Variants in DDX24 observed in about 807,000 individuals in gnomAD.
DDX24 encodes the protein DEAD-box helicase 24.
In DDX24, 24 loss-of-function variants were observed where a neutral mutation model predicts 68.9. That is an observed-to-expected ratio of 0.35 (90% CI 0.25 to 0.49). DDX24 has a LOEUF of 0.49. Among genes scored for constraint, DDX24 ranks in the 20% least tolerant of loss-of-function variants. The probability of loss-of-function intolerance (pLI) is 0.99; values close to 1 mark genes in which losing one functional copy is unlikely to be tolerated. For missense variants in DDX24, 989 were observed against 1,039.0 expected (o/e 0.95, Z 0.66); for synonymous variants, 395 against 385.2 (o/e 1.03, Z -0.30).
At chr14:94,076,245 A>G (rs578090316) in intron 2 of DDX24, among the ~76,000 whole-genome samples, 3 of 152,232 alleles carry the variant, frequency 2.0e-5, no homozygotes, top group African/African-American at 7.2e-5. Flanking sequence ...CTACCCACAC[A>G]TTGGAATACT....
At chr14:94,068,766 G>T (rs1486608521) in intron 2 of DDX24, among the ~76,000 whole-genome samples, 3 of 152,060 alleles carry the variant, frequency 2.0e-5, no homozygotes, top group Non-Finnish European at 2.9e-5. Flanking sequence ...AATGAGCATT[G>T]GGTCAAAAAC....
At chr14:94,078,397 A>G (rs938563398) in intron 2 of DDX24, among the ~76,000 whole-genome samples, 3 of 152,208 alleles carry the variant, frequency 2.0e-5, no homozygotes, top group African/African-American at 7.2e-5. Flanking sequence ...TATCCAGCAA[A>G]GTCAACCTGT....
intron 3 of DDX24, 110 bp downstream of exon 3, chr14:94,061,987 T>C (rs1050614019): frequency 1.6e-6 from 2 of 1,212,980 alleles, no homozygotes; most frequent in Non-Finnish European, 2.2e-6. Flanking sequence ...GTCTGGCTTA[T>C]AGATGAGAGT....
intron 2 of DDX24, among the ~76,000 whole-genome samples, chr14:94,071,772 C>A (rs1435094845): frequency 2.0e-5 from 3 of 152,096 alleles, no homozygotes; most frequent in African/African-American, 2.4e-5. Flanking sequence ...ATGGAGAAAC[C>A]ACGTCTCTAC....
At chr14:94,057,778 C>T (rs1885517225) in intron 6 of DDX24, 44 bp downstream of exon 6, 3 of 1,582,010 alleles carry the variant, frequency 1.9e-6, no homozygotes, top group Non-Finnish European at 2.6e-6. Context: ...AAAAATTCCC[C>T]ATTCAGTGCA....
Position 94,079,750 on chromosome 14 carries a change from G to A in DDX24, c.-5-3C>T, listed in dbSNP as rs1457313007. The A allele has an allele frequency of 2.5e-6, 4 of 1,611,466 alleles. No individual in the cohort carries two copies. Among genetic ancestry groups the A allele is most frequent in the African/African-American group, 1.3e-5 (1 of 74,998 alleles). On this transcript the variant is annotated splice_polypyrimidine_tract_variant and splice_region_variant and intron_variant, in intron 1 of 8. Coordinates refer to ENST00000621632, the MANE Select transcript of DDX24 (RefSeq NM_020414.4). Reference sequence around the variant, plus strand: ...TGTGTCCTTCAACTTCATGGTTGCTGAAAAGGAGATACATGTTCTATTAGG... The same window carrying A: ...TGTGTCCTTCAACTTCATGGTTGCTAAAAAGGAGATACATGTTCTATTAGG...
At position 94,048,714 on chromosome 14, in the gene DDX24, C is replaced by T. The variant is rs1174979184; in HGVS notation, c.*2477G>A. 1 of 152,158 alleles carries T rather than the reference C, an allele frequency of 6.6e-6. No individual in the cohort carries two copies. The highest frequency in any genetic ancestry group is 1.9e-4 in the East Asian group (1 of 5,180). The allele number at this position is 152,158 out of a possible 1,614,324, so 9.4% of individuals were successfully genotyped here. A position where few individuals can be genotyped will look rare whatever the true frequency, so the allele number is the denominator to read the frequency against. ...GGGAAGCATGTCACCTTGGCAGTGA[C>T]TCGGTGGCTTCCCAAGCAGGAGTGT... On this transcript the variant is annotated 3_prime_UTR_variant, in exon 9 of 9. Transcript: ENST00000621632.
Position 94,060,404 on chromosome 14 carries a change from T to A in DDX24, c.1607A>T (p.Asp536Val). The A allele has an allele frequency of 6.2e-7, 1 of 1,614,080 alleles. No homozygotes were observed. Among genetic ancestry groups the A allele is most frequent in the South Asian group, 1.1e-5 (1 of 91,068 alleles). Reference protein sequence around the residue: ...TKKMDKTAKLDLLMQKIGMRG... With the variant: ...TKKMDKTAKLVLLMQKIGMRG... Reference sequence around the variant, plus strand: ...CATGCCAATTTTCTGCATAAGGAGGTCAAGTTTGGCTGTTTTATCCATTTT... The same window carrying A: ...CATGCCAATTTTCTGCATAAGGAGGACAAGTTTGGCTGTTTTATCCATTTT... Residue 536 changes from aspartate to valine, a missense_variant, in exon 5 of 9, where the codon GAC becomes GTC. Coordinates refer to ENST00000621632, the MANE Select transcript of DDX24 (RefSeq NM_020414.4).
At position 94,068,916 on chromosome 14, in the gene DDX24, GAGCACAAAC is replaced by G. The variant is rs569688822; in HGVS notation, c.719-6304_719-6296del. The stretch of plus-strand genomic sequence containing the variant: ...AATGGCTACATCGAAAAGTCTGAAA[GAGCACAAAC>G]AGACAATCTAAGGTCACATCTCAAG... On this transcript the variant is annotated intron_variant, in intron 2 of 8. Coordinates refer to ENST00000621632, the MANE Select transcript of DDX24 (RefSeq NM_020414.4). Among the ~76,000 whole-genome samples the G allele has an allele frequency of 1.5e-3, 227 of 152,270 alleles. 1 individual carries two copies. The highest frequency in any genetic ancestry group is 2.7e-3 in the Non-Finnish European group (184 of 68,006).
Position 94,050,165 on chromosome 14 carries a change from G to A in DDX24, c.*1026C>T, listed in dbSNP as rs1401662443. ...GGAGTTGTGGATACTCACCTACACT[G>A]ATCCAGACAAAGCTGGGGCAGCATC... On this transcript the variant is annotated 3_prime_UTR_variant, in exon 9 of 9. Transcript: ENST00000621632. 5.3e-5 allele frequency: 8 copies of A among 152,188 alleles called. No individual in the cohort carries two copies. The highest frequency in any genetic ancestry group is 5.2e-4 in the Admixed American group (8 of 15,278). The allele number at this position is 152,188 out of a possible 1,614,324, so 9.4% of individuals were successfully genotyped here. A position where few individuals can be genotyped will look rare whatever the true frequency, so the allele number is the denominator to read the frequency against.
At chr14:94,076,297 A>T (rs1004876825) in intron 2 of DDX24, among the ~76,000 whole-genome samples, 1 of 152,236 alleles carries the variant, frequency 6.6e-6, no homozygotes, top group Non-Finnish European at 1.5e-5. Flanking sequence ...AATTGTAATA[A>T]CATGGCGTAA....
At position 94,057,816 on chromosome 14, in the gene DDX24, C is replaced by G; in HGVS notation, c.1989+6G>C. 2.5e-6 allele frequency: 4 copies of G among 1,613,208 alleles called. No individual in the cohort carries two copies. The South Asian group carries it at 4.4e-5, about 18-fold the overall frequency. Reference sequence around the variant, plus strand: ...CAGATGCCTATAAATTTTCAGATGCCCCTACCTGGTAATGGATGACATGCT... The same window carrying G: ...CAGATGCCTATAAATTTTCAGATGCGCCTACCTGGTAATGGATGACATGCT... On this transcript the variant is annotated splice_donor_region_variant and intron_variant, in intron 6 of 8. Coordinates refer to ENST00000621632, the MANE Select transcript of DDX24 (RefSeq NM_020414.4).
intron 8 of DDX24, 124 bp downstream of exon 8, chr14:94,052,874 C>G: frequency 7.3e-7 from 1 of 1,370,028 alleles, no homozygotes; most frequent in Admixed American, 2.4e-5. Flanking sequence ...GGCCTGTTAG[C>G]AAAGAGGGGG....
rs1201517300 is a variant in DDX24, at chr14:94,076,771, TGAGG to T, written c.718+2250_718+2253del. Among the ~76,000 whole-genome samples, 27 of 147,536 alleles carry T rather than the reference TGAGG, an allele frequency of 1.8e-4. No individual in the cohort carries two copies. The East Asian group carries it at 4.8e-3, about 26-fold the overall frequency. On this transcript the variant is annotated intron_variant, in intron 2 of 8. Coordinates refer to ENST00000621632, the MANE Select transcript of DDX24 (RefSeq NM_020414.4). ...TGGTTGCCTGAGGAGGAACAAGAAC[TGAGG>T]GAGGGAGGGAGGGACAACAAAAAAA...
At chr14:94,071,196 C>T (rs572550401) in intron 2 of DDX24, among the ~76,000 whole-genome samples, 60 of 152,032 alleles carry the variant, frequency 3.9e-4, no homozygotes, top group African/African-American at 1.4e-3. Flanking sequence ...AGTGGGTTAA[C>T]AACATAAATA....
In DDX24 at chr14:94,060,695, A is replaced by C. The variant is rs982026457; in HGVS notation, c.1398-82T>G. ...TATAGCACACCCTACACTCATCCTA[A>C]ACACACACACACACACACGTACACA... is the stretch of plus-strand genomic sequence containing the variant. On this transcript the variant is annotated intron_variant, in intron 4 of 8. Coordinates refer to ENST00000621632, the MANE Select transcript of DDX24 (RefSeq NM_020414.4). 6.1e-6 allele frequency: 9 copies of C among 1,464,164 alleles called. No homozygotes were observed. The Middle Eastern group carries it at 6.2e-4, about 101-fold the overall frequency. The allele number at this position is 1,464,164 out of a possible 1,614,324, so 90.7% of individuals were successfully genotyped here.
At position 94,049,318 on chromosome 14, in the gene DDX24, G is replaced by GC. The variant is rs1386187794; in HGVS notation, c.*1872dup. ...CTTACTAACCCCACTGACCACCACTGCATCATTTGGAAAATGGAGAGTCTC... is the reference window on the plus strand; with the variant it reads ...CTTACTAACCCCACTGACCACCACTGCCATCATTTGGAAAATGGAGAGTCTC... On this transcript the variant is annotated 3_prime_UTR_variant, in exon 9 of 9. Transcript: ENST00000621632. The GC allele has an allele frequency of 1.3e-5, 2 of 152,194 alleles. No homozygotes were observed. Among genetic ancestry groups the GC allele is most frequent in the African/African-American group, 4.8e-5 (2 of 41,438 alleles). 9.4% of individuals were successfully genotyped at this position (152,194 alleles called of 1,614,324 possible).
chr14:94,079,361 G>A lies in DDX24; in HGVS notation c.382C>T (p.Gln128Ter). Reference protein sequence around the residue: ...FEVKDPELEAQGDDMVCDDPE... With the variant: ...FEVKDPELEA Reference sequence around the variant, plus strand: ...TCATCACAAACCATGTCATCTCCCTGGGCCTCCAGCTCAGGATCTTTCACT... The same window carrying A: ...TCATCACAAACCATGTCATCTCCCTAGGCCTCCAGCTCAGGATCTTTCACT... Residue 128 changes from glutamine to a stop codon, truncating the protein, a stop_gained, in exon 2 of 9, where the codon CAG becomes TAG. Transcript: ENST00000621632. LOFTEE classifies it high-confidence loss of function. 1 of 1,613,974 alleles carries A rather than the reference G, an allele frequency of 6.2e-7. No homozygotes were observed. The highest frequency in any genetic ancestry group is 8.5e-7 in the Non-Finnish European group (1 of 1,180,002).
intron 2 of DDX24, among the ~76,000 whole-genome samples, chr14:94,067,252 CA>C (rs59534499): frequency 0.021 from 3,224 of 151,972 alleles, 104 homozygotes; most frequent in African/African-American, 0.074. Context: ...AGCTCAAAGA[CA>C]AGATCTTCAA....
Sources: allele counts gnomAD v4.1 joint callset (sites outside exome capture counted in the v4.1 genomes callset), GRCh38; gene constraint gnomAD v4.1.1; transcripts MANE v1.5; gene names NCBI Gene and HGNC (gene_info 2026-07-23, HGNC 2026-07-21).